Variants in TOX observed in about 807,000 individuals in gnomAD.
TOX encodes the protein thymocyte selection associated high mobility group box.
A neutral mutation model predicts 53.7 loss-of-function variants in TOX; 11 were observed. That is an observed-to-expected ratio of 0.20 (90% confidence interval 0.13 to 0.34). The LOEUF is 0.34. TOX is among the 10% of genes least tolerant of loss of function. The pLI, the probability that TOX is intolerant of heterozygous loss-of-function variation, is 1.00. For synonymous variants in TOX, 225 were observed against 245.3 expected, an observed-to-expected ratio of 0.92 and a Z score of 0.77; for missense variants, 570 against 664.6, an observed-to-expected ratio of 0.86 and a Z score of 1.56.
At chr8:59,047,255 C>T (rs1487663793) in intron 1 of TOX, among the ~76,000 whole-genome samples, 4 of 122,728 alleles carry the variant, frequency 3.3e-5, no homozygotes, top group Admixed American at 2.2e-4. Context: ...CTCGCTCTGT[C>T]GCCCAGGCTG....
intron 1 of TOX, among the ~76,000 whole-genome samples, chr8:58,964,627 C>A (rs990824108): frequency 1.3e-5 from 2 of 152,064 alleles, no homozygotes; most frequent in Admixed American, 1.3e-4. Flanking sequence ...TAGAATGAGG[C>A]CTGAAACCAT....
chr8:59,042,496 A>G, intron 1 of TOX, among the ~76,000 whole-genome samples: 1 of 152,228 alleles, frequency 6.6e-6, no homozygotes, highest in South Asian at 2.1e-4. Context: ...CTTTATAGGA[A>G]CTATTTGCAT....
intron 1 of TOX, among the ~76,000 whole-genome samples, chr8:58,961,236 G>A (rs143749136): frequency 8.3e-4 from 126 of 152,172 alleles, no homozygotes; most frequent in Non-Finnish European, 1.4e-3. Context: ...GAAAATTCAC[G>A]TCAACATAAG....
intron 1 of TOX, among the ~76,000 whole-genome samples, chr8:58,966,394 C>G (rs1352117486): frequency 1.3e-5 from 2 of 152,192 alleles, no homozygotes; most frequent in East Asian, 3.8e-4. Context: ...CTCAGGAGCA[C>G]ACAGAGCTGA....
In TOX at chr8:59,060,377, T is replaced by C. The variant is rs928668694; in HGVS notation, c.102+58509A>G. Among the ~76,000 whole-genome samples the C allele has an allele frequency of 5.9e-5, 9 of 152,292 alleles. No homozygotes were observed. The South Asian group carries it at 8.3e-4, about 14-fold the overall frequency. On this transcript the variant is annotated intron_variant, in intron 1 of 8. Coordinates refer to ENST00000361421, the MANE Select transcript of TOX (RefSeq NM_014729.3). Reference sequence around the variant, plus strand: ...GCGCAGTGGCTCACGCCCGTAATCCTGGCACTTTGGGAGGCCAAGGCGGGC... The same window carrying C: ...GCGCAGTGGCTCACGCCCGTAATCCCGGCACTTTGGGAGGCCAAGGCGGGC...
At chr8:59,023,016 C>T (rs1814164285) in intron 1 of TOX, among the ~76,000 whole-genome samples, 1 of 152,138 alleles carries the variant, frequency 6.6e-6, no homozygotes, top group Admixed American at 6.6e-5. Context: ...AGCTCTAACT[C>T]CTTTCATAAA....
chr8:59,100,638 G>C (rs16924602), intron 1 of TOX, among the ~76,000 whole-genome samples: 15,487 of 152,198 alleles, frequency 0.1, 1,054 homozygotes, highest in Middle Eastern at 0.19. Context: ...AGAATAAGTA[G>C]AATTTGTCAG....
At chr8:59,049,560 AG>A (rs1803753477) in intron 1 of TOX, among the ~76,000 whole-genome samples, 2 of 152,208 alleles carry the variant, frequency 1.3e-5, no homozygotes, top group Non-Finnish European at 2.9e-5. Context: ...TCATTGAATA[AG>A]ACAACCAAAG....
chr8:58,903,377 G>A (rs992358318), intron 3 of TOX, among the ~76,000 whole-genome samples: 4 of 152,086 alleles, frequency 2.6e-5, no homozygotes, highest in Non-Finnish European at 4.4e-5. Context: ...AGAAGGAGGC[G>A]GGTTAGTCTA....
At position 59,021,481 on chromosome 8, in the gene TOX, A is replaced by AAT. The variant is rs55755723; in HGVS notation, c.103-61475_103-61474dup. Among the ~76,000 whole-genome samples the AAT allele has an allele frequency of 5.2e-3, 336 of 64,716 alleles. 5 individuals carry two copies. Among genetic ancestry groups the AAT allele is most frequent in the Middle Eastern group, 9.8e-3 (1 of 102 alleles). The allele number at this position is 64,716 out of a possible 152,430, so 42.5% of individuals were successfully genotyped here. On this transcript the variant is annotated intron_variant, in intron 1 of 8. Coordinates refer to ENST00000361421, the MANE Select transcript of TOX (RefSeq NM_014729.3). ...CTACAAGCAAAAAAAAAAAAAAAAA[A>AAT]ATATATATATATATATATGCACATA...
intron 6 of TOX, among the ~76,000 whole-genome samples, chr8:58,823,056 A>G (rs1319556587): frequency 6.6e-6 from 1 of 152,236 alleles, no homozygotes; most frequent in African/African-American, 2.4e-5. Context: ...ATTGGAAACA[A>G]TTCAATATCC....
At chr8:58,880,648 T>G (rs1811368249) in intron 3 of TOX, among the ~76,000 whole-genome samples, 2 of 152,150 alleles carry the variant, frequency 1.3e-5, no homozygotes, top group South Asian at 4.1e-4. Context: ...ATGTGAGAGA[T>G]AGAGCTCTGC....
chr8:59,106,435 G>C (rs942510143), intron 1 of TOX, among the ~76,000 whole-genome samples: 1 of 152,130 alleles, frequency 6.6e-6, no homozygotes, highest in African/African-American at 2.4e-5. Flanking sequence ...TATATTATAA[G>C]TACAGAGAGT....
intron 1 of TOX, among the ~76,000 whole-genome samples, chr8:58,965,905 T>TG (rs1812889076): frequency 6.9e-6 from 1 of 144,616 alleles, no homozygotes; most frequent in Admixed American, 7.0e-5. Flanking sequence ...TTTTTTTTTT[T>TG]TTTTTTTTTT....
chr8:58,975,160 A>G (rs550646330), intron 1 of TOX, among the ~76,000 whole-genome samples: 2 of 151,784 alleles, frequency 1.3e-5, no homozygotes, highest in Admixed American at 6.6e-5. Flanking sequence ...TATTATATAT[A>G]CTTACAGAGA....
intron 1 of TOX, among the ~76,000 whole-genome samples, chr8:59,015,114 A>G (rs756161476): frequency 4.6e-5 from 7 of 152,254 alleles, no homozygotes; most frequent in Non-Finnish European, 1.0e-4. Flanking sequence ...CTAAATGTCA[A>G]CAGTGGTTAC....
intron 1 of TOX, among the ~76,000 whole-genome samples, chr8:58,962,728 C>A (rs1321773757): frequency 6.6e-6 from 1 of 152,096 alleles, no homozygotes; most frequent in East Asian, 1.9e-4. Flanking sequence ...ACTGCTTGAG[C>A]CTGGGAGGTT....
At chr8:59,021,990 G>A (rs1276010521) in intron 1 of TOX, among the ~76,000 whole-genome samples, 2 of 151,970 alleles carry the variant, frequency 1.3e-5, no homozygotes, top group African/African-American at 2.4e-5. Flanking sequence ...GTTATTTTTT[G>A]TTACAAAATA....
At chr8:58,813,202 T>A (rs1230171283) in intron 7 of TOX, among the ~76,000 whole-genome samples, 1 of 152,232 alleles carries the variant, frequency 6.6e-6, no homozygotes, top group African/African-American at 2.4e-5. Flanking sequence ...TTACATGTGG[T>A]CTTATGTAAA....
Sources: gnomAD v4.1 joint callset for allele counts (sites outside exome capture counted in the v4.1 genomes callset) on GRCh38, gnomAD v4.1.1 for gene constraint, MANE v1.5 for transcripts, NCBI Gene and HGNC (gene_info 2026-07-23, HGNC 2026-07-21) for gene names.